Variants in KLF7 observed in about 807,000 individuals in gnomAD.
KLF7 encodes the protein KLF transcription factor 7.
KLF7 carries 2 observed loss-of-function variants against 27.3 expected under a neutral mutation model. The ratio of observed to expected loss-of-function variants is 0.07; its 90% CI spans 0.03 to 0.23. The LOEUF is 0.23. KLF7 is among the 10% of genes least tolerant of loss of function. The pLI, the probability that KLF7 is intolerant of heterozygous loss-of-function variation, is 1.00. For synonymous variants in KLF7, 165 were observed against 162.4 expected (o/e 1.02, Z -0.12); for missense variants, 221 against 394.1 (o/e 0.56, Z 3.72).
At position 207,080,815 on chromosome 2, in the gene KLF7, C is replaced by T; in HGVS notation, c.*398G>A. 2.5e-6 allele frequency: 1 copy of T among 403,090 alleles called. No individual in the cohort carries two copies. Among genetic ancestry groups the T allele is most frequent in the Non-Finnish European group, 4.4e-6 (1 of 228,496 alleles). The allele number at this position is 403,090 out of a possible 1,614,324, so 25.0% of individuals were successfully genotyped here. ...TGCACTGAGAAGCAAGTGAAATAAG[C>T]CCCTCGGACTGCCGTCCACCTGCAC... On this transcript the variant is annotated 3_prime_UTR_variant, in exon 4 of 4. Transcript: ENST00000309446.
intron 2 of KLF7, among the ~76,000 whole-genome samples, chr2:207,092,227 A>G (rs2105882623): frequency 6.6e-6 from 1 of 152,356 alleles, no homozygotes; most frequent in Non-Finnish European, 1.5e-5. Context: ...AAAATGCTCA[A>G]GAGTGGTCTA....
chr2:207,166,866 C>T, upstream of KLF7: 1 of 1,069,216 alleles, frequency 9.4e-7, no homozygotes. Flanking sequence ...TGGGAGAGAA[C>T]AAAGGGGAGC....
chr2:207,161,078 A>C (rs926620612), intron 1 of KLF7, among the ~76,000 whole-genome samples: 55 of 152,216 alleles, frequency 3.6e-4, no homozygotes, highest in Non-Finnish European at 1.3e-4. Flanking sequence ...CAAACTGCAA[A>C]CAGGTAGACT....
intron 2 of KLF7, among the ~76,000 whole-genome samples, chr2:207,098,573 A>G (rs1263612): frequency 0.82 from 124,444 of 151,896 alleles, 51,634 homozygotes; most frequent in African/African-American, 0.9. Context: ...ATCACCATAC[A>G]GCAGAGAACG....
chr2:207,144,674 C>T (rs1194592971), intron 1 of KLF7, among the ~76,000 whole-genome samples: 1 of 152,190 alleles, frequency 6.6e-6, no homozygotes, highest in Non-Finnish European at 1.5e-5. Flanking sequence ...TATCCCCAAG[C>T]AGCTTCCATA....
At chr2:207,168,514 C>T (rs2078761130), upstream of KLF7, among the ~76,000 whole-genome samples, 1 of 152,160 alleles carries the variant, frequency 6.6e-6, no homozygotes, top group South Asian at 2.1e-4. Flanking sequence ...CTGTTCTGTA[C>T]TGAGCTTTGT....
chr2:207,085,164 G>GAAAAAAA lies in KLF7; in HGVS notation c.857+3287_857+3293dup, dbSNP rs1015691241. Reference sequence around the variant, plus strand: ...GCAACAAAGCCAGACTGTCTCAAATGAAAAAAAAAAAAAAAAAAAAAAAAA... The same window carrying GAAAAAAA: ...GCAACAAAGCCAGACTGTCTCAAATGAAAAAAAAAAAAAAAAAAAAAAAAAAAAAAAA... On this transcript the variant is annotated intron_variant, in intron 3 of 3. Coordinates refer to ENST00000309446, the MANE Select transcript of KLF7 (RefSeq NM_003709.4). Among the ~76,000 whole-genome samples the GAAAAAAA allele has an allele frequency of 2.2e-4, 5 of 22,996 alleles. 1 individual carries two copies. Among genetic ancestry groups the GAAAAAAA allele is most frequent in the Non-Finnish European group, 3.1e-4 (4 of 13,082 alleles). The allele number at this position is 22,996 out of a possible 152,430, so 15.1% of individuals were successfully genotyped here.
intron 2 of KLF7, among the ~76,000 whole-genome samples, chr2:207,105,828 G>A (rs900455725): frequency 3.9e-5 from 6 of 152,166 alleles, no homozygotes; most frequent in East Asian, 1.9e-4. Context: ...AGACCTGCAC[G>A]ATCCAGTCTC....
intron 1 of KLF7, among the ~76,000 whole-genome samples, chr2:207,151,234 C>G (rs2078237936): frequency 1.3e-5 from 2 of 152,148 alleles, no homozygotes; most frequent in African/African-American, 4.8e-5. Flanking sequence ...GCCCACCCTT[C>G]GAGAAGCAGT....
chr2:207,115,058 A>C (rs1162943741), intron 2 of KLF7, among the ~76,000 whole-genome samples: 1 of 152,228 alleles, frequency 6.6e-6, no homozygotes, highest in Non-Finnish European at 1.5e-5. Context: ...CCAGATGAGT[A>C]GTTTAGAATA....
intron 1 of KLF7, among the ~76,000 whole-genome samples, chr2:207,129,596 T>C (rs1407204319): frequency 6.6e-6 from 1 of 152,236 alleles, no homozygotes; most frequent in Non-Finnish European, 1.5e-5. Context: ...ACTCTCTTCA[T>C]GCTTTTCATA....
intron 1 of KLF7, 130 bp downstream of exon 1, chr2:207,165,337 C>T (rs1490462552): frequency 5.3e-6 from 7 of 1,319,576 alleles, no homozygotes; most frequent in Middle Eastern, 1.8e-4. Flanking sequence ...TTTTCAACAA[C>T]AGACAGCCAA....
intron 1 of KLF7, among the ~76,000 whole-genome samples, chr2:207,150,782 A>G (rs1003547122): frequency 1.3e-5 from 2 of 152,078 alleles, no homozygotes; most frequent in African/African-American, 4.8e-5. Flanking sequence ...TCAGCATTCC[A>G]TCTGTACAAT....
chr2:207,081,701 AAATAT>A (rs757048299), intron 3 of KLF7, among the ~76,000 whole-genome samples: 6 of 152,170 alleles, frequency 3.9e-5, no homozygotes, highest in Non-Finnish European at 8.8e-5. Context: ...TGCATACTGT[AAATAT>A]AATAAAGAAT....
chr2:207,145,165 G>A (rs909790744), intron 1 of KLF7, among the ~76,000 whole-genome samples: 2 of 152,208 alleles, frequency 1.3e-5, no homozygotes, highest in African/African-American at 4.8e-5. Flanking sequence ...GACTTTGTTA[G>A]GAAATACTGT....
intron 1 of KLF7, among the ~76,000 whole-genome samples, chr2:207,137,020 C>T (rs1045557355): frequency 2.0e-5 from 3 of 152,126 alleles, no homozygotes; most frequent in East Asian, 1.9e-4. Flanking sequence ...ACAAAGAGGG[C>T]TTTTCTCCTC....
At chr2:207,150,188 T>A (rs894186952) in intron 1 of KLF7, among the ~76,000 whole-genome samples, 2 of 152,202 alleles carry the variant, frequency 1.3e-5, no homozygotes, top group Non-Finnish European at 2.9e-5. Flanking sequence ...GAATGTATTT[T>A]AAAAACTAAA....
chr2:207,101,683 A>G (rs1391243736), intron 2 of KLF7, among the ~76,000 whole-genome samples: 1 of 152,182 alleles, frequency 6.6e-6, no homozygotes, highest in Non-Finnish European at 1.5e-5. Context: ...ACATCTGTGC[A>G]TAGTTGTGTC....
At chr2:207,106,841 G>A (rs1046315697) in intron 2 of KLF7, among the ~76,000 whole-genome samples, 6 of 152,186 alleles carry the variant, frequency 3.9e-5, no homozygotes, top group African/African-American at 7.2e-5. Context: ...TGGAAGAAGG[G>A]TGGGGTCTGC....
Sources: allele counts gnomAD v4.1 joint callset (sites outside exome capture counted in the v4.1 genomes callset), GRCh38; gene constraint gnomAD v4.1.1; transcripts MANE v1.5; gene names NCBI Gene and HGNC (gene_info 2026-07-23, HGNC 2026-07-21).